LRRC15: variants seen among roughly 807,000 people sequenced by gnomAD.
LRRC15 encodes leucine-rich repeat-containing protein 15.
In LRRC15, 5 loss-of-function variants were observed where a neutral mutation model predicts 4.3. That is an observed-to-expected ratio of 1.16 (90% CI 0.61 to 2.44). The LOEUF is 2.44. Ranked by LOEUF, LRRC15 falls within the 30% of genes most tolerant of loss-of-function variation. The pLI is 0.01. For synonymous variants in LRRC15, 337 were observed against 323.2 expected, an observed-to-expected ratio of 1.04 and a Z score of -0.46; for missense variants, 769 against 747.0, an observed-to-expected ratio of 1.03 and a Z score of -0.34.
rs779214142 is a variant in LRRC15 at position 194,355,426 on chromosome 3, C to T, written c.*3872G>A. ...GGCTGATTTGCAGTAATTCTCTAAG[C>T]AAGGCAAACATGATCTAGCTTTGAA... On this transcript the variant is annotated 3_prime_UTR_variant, in exon 2 of 2. Transcript: ENST00000347624. 2.6e-5 allele frequency: 4 copies of T among 152,240 alleles called. No individual in the cohort carries two copies. Among genetic ancestry groups the T allele is most frequent in the African/African-American group, 4.8e-5 (2 of 41,460 alleles). 9.4% of individuals were successfully genotyped at this position (152,240 alleles called of 1,614,324 possible). A position where few individuals can be genotyped will look rare whatever the true frequency, so the allele number is the denominator to read the frequency against.
intron 1 of LRRC15, among the ~76,000 whole-genome samples, chr3:194,366,713 A>C (rs1418605944): frequency 6.6e-6 from 1 of 152,152 alleles, no homozygotes; most frequent in Non-Finnish European, 1.5e-5. Context: ...GAACCTGGCA[A>C]TAGAAGCTGC....
rs1247943814 is a variant in LRRC15 at position 194,360,057 on chromosome 3, G to GA, written c.986dup (p.Ser330GlnfsTer88). ...TGAAGGCACCCGGGGAGATGAAGCT[G>GA]ATCTGATTGCGGCTAAGAATCAGGA... is the stretch of plus-strand genomic sequence containing the variant. On this transcript the variant is annotated frameshift_variant, in exon 2 of 2. Coordinates refer to ENST00000347624, the MANE Select transcript of LRRC15 (RefSeq NM_130830.5). LOFTEE classifies it low-confidence loss of function (END_TRUNC). 6.2e-7 allele frequency: 1 copy of GA among 1,614,130 alleles called. No homozygotes were observed. Among genetic ancestry groups the GA allele is most frequent in the African/African-American group, 1.3e-5 (1 of 74,940 alleles).
In LRRC15 at chr3:194,360,689, C is replaced by T. The variant is rs747252516; in HGVS notation, c.355G>A (p.Gly119Ser). 5.6e-6 allele frequency: 9 copies of T among 1,613,984 alleles called. No individual in the cohort carries two copies. Among genetic ancestry groups the T allele is most frequent in the South Asian group, 3.3e-5 (3 of 91,076 alleles). ...ANNKLQVLPI[G>S]LFQGLDSLES... ...AGGCTGTCCAGGCCCTGGAAGAGGC[C>T]GATGGGCAGAACCTGCAGCTTGTTG... The change falls in exon 2 of 2, where the codon GGC becomes AGC. Residue 119 changes from glycine (G) to serine (S), a missense_variant. Transcript: ENST00000347624.
At position 194,355,900 on chromosome 3, in the gene LRRC15, C is replaced by G. The variant is rs576669157; in HGVS notation, c.*3398G>C. 6 of 152,344 alleles carry G rather than the reference C, an allele frequency of 3.9e-5. No individual in the cohort carries two copies. The highest frequency in any genetic ancestry group is 1.2e-4 in the African/African-American group (5 of 41,584). 9.4% of individuals were successfully genotyped at this position (152,344 alleles called of 1,614,324 possible). ...TACAGCCCAATTCCCATGAGAGGGA[C>G]AAACTATTCTATTCTTTAAGGGATG... On this transcript the variant is annotated 3_prime_UTR_variant, in exon 2 of 2. Transcript: ENST00000347624.
Position 194,359,443 on chromosome 3 carries a change from T to A in LRRC15, c.1601A>T (p.Gln534Leu). The change falls in exon 2 of 2, where the codon CAG becomes CTG. Residue 534 changes from glutamine (Q) to leucine (L), a missense_variant. Gln to Leu is a moderately radical substitution (Grantham distance 113, BLOSUM62 -2). Transcript: ENST00000347624. ...GGCAATGGCCAGCCCGCTCTGGGCC[T>A]GGGTCATGCCCCAAACGCTGCGGTC... ...TDDRSVWGMT[Q>L]AQSGLAIAAI... 1 of 1,614,252 alleles carries A rather than the reference T, an allele frequency of 6.2e-7. No homozygotes were observed. Among genetic ancestry groups the A allele is most frequent in the African/African-American group, 1.3e-5 (1 of 75,074 alleles).
intron 1 of LRRC15, chr3:194,363,550 C>T (rs538392386): frequency 1.6e-4 from 67 of 423,230 alleles, no homozygotes; most frequent in African/African-American, 8.4e-4. Flanking sequence ...TTTTTACTAA[C>T]GATAACAAAG....
Position 194,360,014 on chromosome 3 carries a change from G to A in LRRC15, c.1030C>T (p.Arg344Trp), listed in dbSNP as rs373653527. The change falls in exon 2 of 2, where the codon CGG becomes TGG. Residue 344 changes from arginine (R) to tryptophan (W), a missense_variant. Transcript: ENST00000347624. ...PGAFNGLTEL[R>W]ELSLHTNALQ... ...GCGTTGGTGTGGAGGGACAGCTCCC[G>A]AAGCTCCGTTAGCCCGTTGAAGGCA... 103 of 1,614,220 alleles carry A rather than the reference G, an allele frequency of 6.4e-5. No individual in the cohort carries two copies. In the African/African-American group the frequency reaches 1.1e-3, roughly 17 times the overall value.
chr3:194,363,367 G>A (rs760482327), intron 1 of LRRC15: 2 of 714,134 alleles, frequency 2.8e-6, no homozygotes, highest in South Asian at 3.0e-5. Flanking sequence ...TTGTCCAAAG[G>A]CATCTAGATG....
intron 1 of LRRC15, among the ~76,000 whole-genome samples, chr3:194,368,509 T>G (rs1713844710): frequency 6.6e-6 from 1 of 152,064 alleles, no homozygotes; most frequent in Admixed American, 6.6e-5. Flanking sequence ...GGCCCTGAAT[T>G]TACTCCAGAT....
At position 194,360,183 on chromosome 3, in the gene LRRC15, C is replaced by T. The variant is rs1560045070; in HGVS notation, c.861G>A (p.Gly287=). The T allele has an allele frequency of 6.2e-7, 1 of 1,613,798 alleles. No individual in the cohort carries two copies. The highest frequency in any genetic ancestry group is 2.2e-5 in the East Asian group (1 of 44,880). ...GCAGGTTGGGCATGGGCCCGAAGATCCCCGGAGAGAGCTCCTTCAGGGAAT... is the reference window on the plus strand; with the variant it reads ...GCAGGTTGGGCATGGGCCCGAAGATTCCCGGAGAGAGCTCCTTCAGGGAAT... ...FGNSLKELSP[G]IFGPMPNLRE... Residue 287 remains glycine, a synonymous_variant, in exon 2 of 2, where the codon GGG becomes GGA. Coordinates refer to ENST00000347624, the MANE Select transcript of LRRC15 (RefSeq NM_130830.5).
Position 194,360,413 on chromosome 3 carries a change from C to T in LRRC15, c.631G>A (p.Asp211Asn). 1 of 1,614,188 alleles carries T rather than the reference C, an allele frequency of 6.2e-7. No individual in the cohort carries two copies. Among genetic ancestry groups the T allele is most frequent in the Non-Finnish European group, 8.5e-7 (1 of 1,180,032 alleles). Residue 211 changes from aspartate (D) to asparagine (N), a missense_variant, in exon 2 of 2, where the codon GAT becomes AAT. Transcript: ENST00000347624. ...CCATCAAAAGTGCCCATGGGGATAT[C>T]CGTGAGCCTGTTCTCATACAGCCGG... is the stretch of plus-strand genomic sequence containing the variant. ...VLRLYENRLTDIPMGTFDGLV... is the reference protein window; with the variant it reads ...VLRLYENRLTNIPMGTFDGLV...
At position 194,359,592 on chromosome 3, in the gene LRRC15, G is replaced by C; in HGVS notation, c.1452C>G (p.Tyr484Ter). 1 of 1,613,726 alleles carries C rather than the reference G, an allele frequency of 6.2e-7. No homozygotes were observed. The highest frequency in any genetic ancestry group is 1.1e-5 in the South Asian group (1 of 90,984). The change falls in exon 2 of 2, where the codon TAC becomes TAG. Residue 484 changes from tyrosine (Y) to a stop codon, truncating the protein, a stop_gained. Coordinates refer to ENST00000347624, the MANE Select transcript of LRRC15 (RefSeq NM_130830.5). LOFTEE classifies it high-confidence loss of function. Reference sequence around the variant, plus strand: ...TGTCTGGGTACCATGGTGTTTCTGGGTAACTAGGCACCTCGGGGACATGGA... The same window carrying C: ...TGTCTGGGTACCATGGTGTTTCTGGCTAACTAGGCACCTCGGGGACATGGA... ...PSVHVPEVPS[Y>*]PETPWYPDTP... is the part of the protein sequence containing the mutation.
chr3:194,365,788 C>T (rs61456367), intron 1 of LRRC15, among the ~76,000 whole-genome samples: 21,444 of 152,188 alleles, frequency 0.14, 1,890 homozygotes, highest in African/African-American at 0.24. Flanking sequence ...CCACCTGCCT[C>T]CAAGTTTCCC....
At chr3:194,361,632 G>T (rs1366534769) in intron 1 of LRRC15, among the ~76,000 whole-genome samples, 1 of 152,200 alleles carries the variant, frequency 6.6e-6, no homozygotes, top group Non-Finnish European at 1.5e-5. Context: ...CTGAACCTGG[G>T]GGAAGATGGT....
At position 194,360,320 on chromosome 3, in the gene LRRC15, G is replaced by C; in HGVS notation, c.724C>G (p.His242Asp). The C allele has an allele frequency of 6.2e-7, 1 of 1,614,140 alleles. No homozygotes were observed. The highest frequency in any genetic ancestry group is 8.5e-7 in the Non-Finnish European group (1 of 1,180,036). Residue 242 changes from histidine to aspartate, a missense_variant, in exon 2 of 2, where the codon CAC (histidine) becomes GAC (aspartate). Coordinates refer to ENST00000347624, the MANE Select transcript of LRRC15 (RefSeq NM_130830.5). ...QIGLLSPGLF[H>D]NNHNLQRLYL... ...AGTCTCTGGAGGTTGTGGTTGTTGT[G>C]GAAGAGACCAGGGGAGAGCAGTCCA...
At chr3:194,365,597 T>G (rs73889810) in intron 1 of LRRC15, among the ~76,000 whole-genome samples, 3,358 of 152,152 alleles carry the variant, frequency 0.022, 112 homozygotes, top group African/African-American at 0.077. Context: ...AGTAAAGACG[T>G]CCAAGGGCCC....
rs760139568 is a variant in LRRC15 at position 194,357,274 on chromosome 3, G to T, written c.*2024C>A. On this transcript the variant is annotated 3_prime_UTR_variant, in exon 2 of 2. Transcript: ENST00000347624. ...TAAGAGCCGATCGGGATTGGTGGTAGATTTCCAGATCACAGGTGTCTTGTG... is the reference window on the plus strand; with the variant it reads ...TAAGAGCCGATCGGGATTGGTGGTATATTTCCAGATCACAGGTGTCTTGTG... 1 of 145,362 alleles carries T rather than the reference G, an allele frequency of 6.9e-6. No homozygotes were observed. Among genetic ancestry groups the T allele is most frequent in the Admixed American group, 6.7e-5 (1 of 14,816 alleles). 9.0% of individuals were successfully genotyped at this position (145,362 alleles called of 1,614,324 possible).
In LRRC15 at chr3:194,360,541, G is replaced by T. The variant is rs188732683; in HGVS notation, c.503C>A (p.Ala168Asp). The change falls in exon 2 of 2, where the codon GCC becomes GAC. Residue 168 changes from alanine to aspartate, a missense_variant. By Grantham distance (126) the Ala-to-Asp change is moderately radical. Coordinates refer to ENST00000347624, the MANE Select transcript of LRRC15 (RefSeq NM_130830.5). ...GNHLEYIPDG[A>D]FDHLVGLTKL... ...CGTGAGTCCTACCAGGTGGTCGAAG[G>T]CTCCGTCAGGGATGTATTCCAGGTG... The T allele has an allele frequency of 1.9e-6, 3 of 1,614,134 alleles. No individual in the cohort carries two copies. The highest frequency in any genetic ancestry group is 3.3e-5 in the Admixed American group (2 of 60,024).
At chr3:194,369,117 T>C (rs189077832) in intron 1 of LRRC15, among the ~76,000 whole-genome samples, 1 of 152,336 alleles carries the variant, frequency 6.6e-6, no homozygotes, top group Non-Finnish European at 1.5e-5. Flanking sequence ...TTGCAGGAGT[T>C]ATCCATCTAT....
Sources: gnomAD v4.1 joint callset for allele counts (sites outside exome capture counted in the v4.1 genomes callset) on GRCh38, gnomAD v4.1.1 for gene constraint, MANE v1.5 for transcripts, NCBI Gene and HGNC (gene_info 2026-07-23, HGNC 2026-07-21) for gene names.